Variants in FER1L6 observed in about 807,000 individuals in gnomAD.
The protein encoded by FER1L6 is fer-1-like protein 6.
A neutral mutation model predicts 219.2 loss-of-function variants in FER1L6; 177 were observed. The ratio of observed to expected loss-of-function variants is 0.81; its 90% confidence interval spans 0.71 to 0.91. FER1L6 has a LOEUF of 0.91. Ranked by LOEUF, FER1L6 falls within the 40% of genes least tolerant of loss-of-function variation. The pLI is 0.00. For synonymous variants in FER1L6, 768 were observed against 824.3 expected (o/e 0.93, Z 1.17); for missense variants, 2,153 against 2,259.9 (o/e 0.95, Z 0.96).
At chr8:124,044,805 CAA>C (rs1819654659) in intron 20 of FER1L6, among the ~76,000 whole-genome samples, 2 of 152,194 alleles carry the variant, frequency 1.3e-5, no homozygotes, top group Admixed American at 1.3e-4. Context: ...GGCAGGTTTC[CAA>C]ACATCCAATT....
At chr8:123,956,121 C>A in intron 2 of FER1L6, 47 bp downstream of exon 2, 1 of 1,514,530 alleles carries the variant, frequency 6.6e-7, no homozygotes, top group Admixed American at 1.8e-5. Context: ...GAGAGTCTCG[C>A]AGAGTGACCC....
intron 33 of FER1L6, among the ~76,000 whole-genome samples, chr8:124,084,674 T>A (rs542895551): frequency 2.0e-4 from 31 of 152,294 alleles, no homozygotes; most frequent in African/African-American, 7.0e-4. Flanking sequence ...TAGTATTTTG[T>A]TGAAAATTTT....
intron 25 of FER1L6, among the ~76,000 whole-genome samples, chr8:124,063,106 C>T (rs1001920208): frequency 6.6e-6 from 1 of 152,130 alleles, no homozygotes; most frequent in East Asian, 1.9e-4. Context: ...ATTAATCTTC[C>T]TTCTGTGATG....
rs767275719 is a variant in FER1L6 at position 124,067,816 on chromosome 8, T to C, written c.3718+10T>C. On this transcript the variant is annotated intron_variant, in intron 28 of 40. Coordinates refer to ENST00000522917, the MANE Select transcript of FER1L6 (RefSeq NM_001039112.2). Reference sequence around the variant, plus strand: ...AAAAAAGGCAATACAGGTAAGCAGTTATTCTGGGGACATTTGTCCATAGAA... The same window carrying C: ...AAAAAAGGCAATACAGGTAAGCAGTCATTCTGGGGACATTTGTCCATAGAA... The C allele has an allele frequency of 1.2e-6, 2 of 1,611,148 alleles. No individual in the cohort carries two copies. The highest frequency in any genetic ancestry group is 1.7e-6 in the Non-Finnish European group (2 of 1,177,360).
intron 18 of FER1L6, 27 bp downstream of exon 18, chr8:124,023,623 G>C (rs1317997759): frequency 6.2e-7 from 1 of 1,610,426 alleles, no homozygotes. Flanking sequence ...TTAACTAAAA[G>C]AAGGGAGATT....
intron 1 of FER1L6, among the ~76,000 whole-genome samples, chr8:123,945,812 C>A (rs781003313): frequency 6.6e-6 from 1 of 152,112 alleles, no homozygotes; most frequent in African/African-American, 2.4e-5. Context: ...AGATTCTTTG[C>A]GAGTCATATT....
chr8:124,037,195 G>A (rs1375601562), intron 19 of FER1L6, among the ~76,000 whole-genome samples: 1 of 152,220 alleles, frequency 6.6e-6, no homozygotes, highest in Non-Finnish European at 1.5e-5. Flanking sequence ...AGCTTGTGTG[G>A]CTGCCATTGG....
intron 12 of FER1L6, among the ~76,000 whole-genome samples, chr8:123,994,353 G>C (rs779728974): frequency 6.6e-6 from 1 of 152,160 alleles, no homozygotes; most frequent in Non-Finnish European, 1.5e-5. Context: ...CAGCTCAAAT[G>C]GGGAGTTAGG....
intron 31 of FER1L6, among the ~76,000 whole-genome samples, chr8:124,075,805 C>T (rs892310346): frequency 1.2e-4 from 19 of 152,154 alleles, no homozygotes; most frequent in Non-Finnish European, 2.9e-5. Flanking sequence ...TGTGGTCAGT[C>T]CTTGACCAAG....
At chr8:123,898,100 T>C (rs2129720747) in intron 1 of FER1L6, among the ~76,000 whole-genome samples, 1 of 152,288 alleles carries the variant, frequency 6.6e-6, no homozygotes, top group African/African-American at 2.4e-5. Context: ...AATCTGGATG[T>C]ACTGTAGTTT....
At position 124,111,619 on chromosome 8, in the gene FER1L6, A is replaced by T. The variant is rs751801371; in HGVS notation, c.5290-7225A>T. ...ATGGTTATTTCTTGATGATATGCTA[A>T]ACAGGGGTGGATTCATGCCTTCTCT... On this transcript the variant is annotated intron_variant, in intron 39 of 40. Transcript: ENST00000522917. The surrounding 1 kb of genome is among the most constrained non-coding windows in gnomAD (Gnocchi z 5.0). Among the ~76,000 whole-genome samples, 17 of 152,178 alleles carry T rather than the reference A, an allele frequency of 1.1e-4. No homozygotes were observed. Among genetic ancestry groups the T allele is most frequent in the Non-Finnish European group, 2.1e-4 (14 of 68,030 alleles).
chr8:124,007,962 G>C (rs953264217), intron 13 of FER1L6, among the ~76,000 whole-genome samples: 2 of 152,054 alleles, frequency 1.3e-5, no homozygotes, highest in Non-Finnish European at 2.9e-5. Context: ...TTTTCCATAG[G>C]TTTTGGTGGA....
chr8:123,939,786 G>T (rs146550654), intron 1 of FER1L6, among the ~76,000 whole-genome samples: 1 of 152,114 alleles, frequency 6.6e-6, no homozygotes, highest in African/African-American at 2.4e-5. Flanking sequence ...GAGATTGAGC[G>T]GCATACTTTC....
intron 1 of FER1L6, among the ~76,000 whole-genome samples, chr8:123,947,365 A>T (rs932567065): frequency 6.6e-6 from 1 of 152,206 alleles, no homozygotes; most frequent in African/African-American, 2.4e-5. Context: ...CTGCTCTATT[A>T]ACAGAGTACA....
intron 12 of FER1L6, among the ~76,000 whole-genome samples, chr8:123,998,124 C>A (rs1037934558): frequency 6.6e-6 from 1 of 152,016 alleles, no homozygotes; most frequent in Non-Finnish European, 1.5e-5. Flanking sequence ...TCTTTGTAGT[C>A]TGGGGTTGTT....
At chr8:123,939,109 A>G (rs764013722) in intron 1 of FER1L6, 14 of 934,100 alleles carry the variant, frequency 1.5e-5, no homozygotes, top group Non-Finnish European at 1.8e-5. Context: ...AGAGAAGCAT[A>G]GGTTTGTACT....
In FER1L6 at chr8:124,023,520, C is replaced by T. The variant is rs764090320; in HGVS notation, c.2210C>T (p.Ser737Phe). The T allele has an allele frequency of 1.2e-6, 2 of 1,614,174 alleles. No individual in the cohort carries two copies. Among genetic ancestry groups the T allele is most frequent in the South Asian group, 2.2e-5 (2 of 91,084 alleles). Residue 737 changes from serine to phenylalanine, a missense_variant, in exon 18 of 41, where the codon TCC becomes TTC. Transcript: ENST00000522917. Reference protein sequence around the residue: ...NRRVAYARIASKDLLYSPVAG... With the variant: ...NRRVAYARIAFKDLLYSPVAG... Reference sequence around the variant, plus strand: ...AGAGTGGCCTATGCCCGCATCGCCTCCAAAGACCTCCTCTATTCCCCTGTC... The same window carrying T: ...AGAGTGGCCTATGCCCGCATCGCCTTCAAAGACCTCCTCTATTCCCCTGTC...
intron 22 of FER1L6, among the ~76,000 whole-genome samples, chr8:124,058,584 G>A (rs541251344): frequency 2.0e-5 from 3 of 152,260 alleles, no homozygotes; most frequent in African/African-American, 7.2e-5. Flanking sequence ...GCATTTTTCA[G>A]GCACTTACAA....
At chr8:123,854,110 C>T (rs1816582434) in intron 1 of FER1L6, among the ~76,000 whole-genome samples, 1 of 152,188 alleles carries the variant, frequency 6.6e-6, no homozygotes, top group Non-Finnish European at 1.5e-5. Context: ...GATGGTTTCT[C>T]AGGACAGTTA....
Sources: gnomAD v4.1 joint callset for allele counts (sites outside exome capture counted in the v4.1 genomes callset) on GRCh38, gnomAD v4.1.1 for gene constraint, Gnocchi (gnomAD v3.1) non-coding constraint, MANE v1.5 for transcripts, NCBI Gene and HGNC (gene_info 2026-07-23, HGNC 2026-07-21) for gene names.